The following QTMAN variants were observed in gnomAD, a reference collection of about 807,000 sequenced individuals.
The protein encoded by QTMAN is tRNA-queuosine alpha-mannosyltransferase.
chr2:144,003,208 TTTAA>T, the QTMAN span, among the ~76,000 whole-genome samples: 173 of 152,018 alleles, frequency 1.1e-3, no homozygotes, highest in African/African-American at 3.9e-3. Flanking sequence ...CCCAATAATT[TTTAA>T]GAGTATGAAG....
the QTMAN span, among the ~76,000 whole-genome samples, chr2:144,210,607 T>C: frequency 2.0e-5 from 3 of 152,156 alleles, no homozygotes; most frequent in East Asian, 1.9e-4. Flanking sequence ...GTCCCAGCCA[T>C]GCAGAGTTCA....
chr2:143,951,685 C>T, the QTMAN span, among the ~76,000 whole-genome samples: 1 of 151,380 alleles, frequency 6.6e-6, no homozygotes, highest in Non-Finnish European at 1.5e-5. Flanking sequence ...TAATGAGTTA[C>T]ATTAATTCAG....
the QTMAN span, among the ~76,000 whole-genome samples, chr2:144,103,719 T>C: frequency 6.6e-6 from 1 of 152,176 alleles, no homozygotes; most frequent in Non-Finnish European, 1.5e-5. Context: ...GAAATGGTAA[T>C]CTGAAGGAAA....
At chr2:144,143,390 G>A in the QTMAN span, among the ~76,000 whole-genome samples, 1 of 151,968 alleles carries the variant, frequency 6.6e-6, no homozygotes, top group African/African-American at 2.4e-5. Context: ...TTATAGAATA[G>A]GAATGCCGTA....
chr2:143,980,804 T>C, the QTMAN span, among the ~76,000 whole-genome samples: 2 of 152,248 alleles, frequency 1.3e-5, no homozygotes, highest in Non-Finnish European at 1.5e-5. Flanking sequence ...TCCAAAAGAC[T>C]GTTACATTAT....
At chr2:144,071,897 G>A in the QTMAN span, among the ~76,000 whole-genome samples, 1 of 152,146 alleles carries the variant, frequency 6.6e-6, no homozygotes, top group Non-Finnish European at 1.5e-5. Flanking sequence ...AAAGGGAGGG[G>A]TGAGGAGAAC....
the QTMAN span, among the ~76,000 whole-genome samples, chr2:144,015,272 T>C: frequency 4.6e-5 from 7 of 152,156 alleles, no homozygotes; most frequent in Admixed American, 1.3e-4. Context: ...CAAAACTCTC[T>C]CGTTTACACA....
chr2:144,188,888 A>G, the QTMAN span, among the ~76,000 whole-genome samples: 2 of 152,232 alleles, frequency 1.3e-5, no homozygotes, highest in African/African-American at 2.4e-5. Flanking sequence ...AACCTCTTCA[A>G]TAAGCTTCTA....
At chr2:144,198,427 C>T in the QTMAN span, among the ~76,000 whole-genome samples, 1 of 152,142 alleles carries the variant, frequency 6.6e-6, no homozygotes. Flanking sequence ...TGGTTCATCT[C>T]AAGACTTTGT....
At chr2:144,206,991 C>T in the QTMAN span, among the ~76,000 whole-genome samples, 1 of 152,032 alleles carries the variant, frequency 6.6e-6, no homozygotes, top group African/African-American at 2.4e-5. Context: ...ACAATTGGTG[C>T]TGCAAAAACA....
chr2:144,190,013 A>G, the QTMAN span, among the ~76,000 whole-genome samples: 1 of 152,202 alleles, frequency 6.6e-6, no homozygotes, highest in Non-Finnish European at 1.5e-5. Flanking sequence ...ACTTCATAAC[A>G]TTAAGGAATT....
the QTMAN span, among the ~76,000 whole-genome samples, chr2:144,154,384 G>T: frequency 6.6e-6 from 1 of 152,148 alleles, no homozygotes; most frequent in Non-Finnish European, 1.5e-5. Flanking sequence ...GGTGATGAAA[G>T]AAATGTCCGG....
the QTMAN span, among the ~76,000 whole-genome samples, chr2:144,038,301 C>CAT: frequency 7.9e-6 from 1 of 126,306 alleles, no homozygotes; most frequent in African/African-American, 2.6e-5. Context: ...GACATACAGA[C>CAT]ATATATATAA....
the QTMAN span, among the ~76,000 whole-genome samples, chr2:144,205,150 AAAG>A: frequency 1.6e-4 from 24 of 152,326 alleles, 1 homozygote; most frequent in Admixed American, 6.5e-4. Flanking sequence ...ATAATTAAAA[AAAG>A]AAGAAGAAGA....
At chr2:144,296,801 C>T in the QTMAN span, among the ~76,000 whole-genome samples, 93 of 152,268 alleles carry the variant, frequency 6.1e-4, no homozygotes, top group African/African-American at 2.1e-3. Context: ...CCCAGGTCAT[C>T]CTCACCACTA....
chr2:144,300,778 G>A, the QTMAN span, among the ~76,000 whole-genome samples: 1 of 152,136 alleles, frequency 6.6e-6, no homozygotes, highest in South Asian at 2.1e-4. Flanking sequence ...GAAAACAGGG[G>A]TAGGGATAGG....
At chr2:144,218,915 T>TAAAAA in the QTMAN span, among the ~76,000 whole-genome samples, 19 of 54,586 alleles carry the variant, frequency 3.5e-4, no homozygotes, top group South Asian at 5.7e-4. Flanking sequence ...GGAAAGTATC[T>TAAAAA]AAAAAAAAAA....
At chr2:144,197,422 T>C in the QTMAN span, among the ~76,000 whole-genome samples, 1 of 152,056 alleles carries the variant, frequency 6.6e-6, no homozygotes, top group Non-Finnish European at 1.5e-5. Flanking sequence ...AAAGAAAAAT[T>C]TTAGAACATT....
chr2:144,255,590 A>C, the QTMAN span, among the ~76,000 whole-genome samples: 6 of 152,222 alleles, frequency 3.9e-5, no homozygotes, highest in East Asian at 1.2e-3. Flanking sequence ...GAAAGAAGTT[A>C]ATCTGACAAG....
Sources: allele counts gnomAD v4.1 joint callset (sites outside exome capture counted in the v4.1 genomes callset), GRCh38; gene constraint gnomAD v4.1.1; transcripts MANE v1.5; gene names NCBI Gene and HGNC (gene_info 2026-07-23, HGNC 2026-07-21).